The following STAG1 variants were observed in gnomAD, a reference collection of about 807,000 sequenced individuals.
STAG1 encodes cohesin subunit SA-1.
A neutral mutation model predicts 170.9 loss-of-function variants in STAG1; 26 were observed. That is an observed-to-expected ratio of 0.15 (90% CI 0.11 to 0.21). The LOEUF is 0.21. STAG1 is among the 10% of genes least tolerant of loss of function. STAG1 has a pLI of 1.00. For missense variants in STAG1, 964 were observed against 1,509.5 expected (o/e 0.64, Z 5.99); for synonymous variants, 514 against 497.7 (o/e 1.03, Z -0.44).
chr3:136,579,198 C>T (rs948868331), intron 4 of STAG1, among the ~76,000 whole-genome samples: 5 of 152,228 alleles, frequency 3.3e-5, no homozygotes, highest in African/African-American at 1.2e-4. Context: ...ACTGACCTCA[C>T]TAACTCCTTT....
intron 15 of STAG1, among the ~76,000 whole-genome samples, chr3:136,436,350 C>T (rs1295017113): frequency 1.3e-5 from 2 of 151,868 alleles, no homozygotes; most frequent in Admixed American, 6.6e-5. Context: ...GGCGTGATCT[C>T]GGCTCACTGC....
At chr3:136,399,343 C>A (rs1265772783) in intron 21 of STAG1, among the ~76,000 whole-genome samples, 2 of 152,130 alleles carry the variant, frequency 1.3e-5, no homozygotes, top group East Asian at 3.8e-4. Flanking sequence ...ATTGCCAGCA[C>A]CTCCTCCCAA....
chr3:136,387,076 TA>T (rs1188632542), intron 22 of STAG1, among the ~76,000 whole-genome samples: 2 of 152,170 alleles, frequency 1.3e-5, no homozygotes, highest in East Asian at 1.9e-4. Flanking sequence ...AATAGGCAAA[TA>T]CGTTTTTCTA....
At chr3:136,494,202 T>C (rs1932943010) in intron 9 of STAG1, among the ~76,000 whole-genome samples, 1 of 152,088 alleles carries the variant, frequency 6.6e-6, no homozygotes, top group Non-Finnish European at 1.5e-5. Context: ...GCCCAGGACA[T>C]TGAGGTTCTA....
intron 1 of STAG1, among the ~76,000 whole-genome samples, chr3:136,706,626 T>C (rs1276210204): frequency 3.3e-5 from 5 of 152,324 alleles, no homozygotes; most frequent in Non-Finnish European, 5.9e-5. Flanking sequence ...ATTGTTAAAA[T>C]GGCAATACTC....
At chr3:136,638,013 G>A (rs543765548) in intron 1 of STAG1, among the ~76,000 whole-genome samples, 94 of 152,078 alleles carry the variant, frequency 6.2e-4, no homozygotes, top group African/African-American at 2.2e-3. Context: ...GGGCCCAAGT[G>A]ATCCTGGCCT....
intron 7 of STAG1, among the ~76,000 whole-genome samples, chr3:136,512,716 TAAC>T (rs747908503): frequency 6.1e-5 from 9 of 147,370 alleles, no homozygotes; most frequent in Admixed American, 1.4e-4. Flanking sequence ...CAGTGATCAC[TAAC>T]AACAATTGAG....
At chr3:136,449,795 A>T (rs952409023) in intron 14 of STAG1, among the ~76,000 whole-genome samples, 4 of 152,144 alleles carry the variant, frequency 2.6e-5, no homozygotes, top group Non-Finnish European at 5.9e-5. Context: ...GAGATAAAAA[A>T]CATTTTCCTT....
chr3:136,621,885 T>G (rs1220108357), intron 3 of STAG1, among the ~76,000 whole-genome samples: 1 of 151,382 alleles, frequency 6.6e-6, no homozygotes, highest in South Asian at 2.1e-4. Flanking sequence ...ACCACCGAAC[T>G]AGATTTTAAA....
intron 14 of STAG1, 52 bp from the exon 15 acceptor site, chr3:136,443,456 T>A: frequency 1.6e-6 from 2 of 1,214,098 alleles, no homozygotes; most frequent in Non-Finnish European, 2.4e-6. Flanking sequence ...AAGAAACTAC[T>A]AATACTAATT....
intron 7 of STAG1, chr3:136,518,253 T>C (rs2107899393): frequency 3.4e-6 from 2 of 583,724 alleles, no homozygotes; most frequent in Middle Eastern, 2.6e-4. Flanking sequence ...CTAACCTGAT[T>C]GTCTCTCTTC....
At chr3:136,522,859 G>T (rs868659810) in intron 6 of STAG1, among the ~76,000 whole-genome samples, 1 of 151,776 alleles carries the variant, frequency 6.6e-6, no homozygotes, top group Admixed American at 6.6e-5. Context: ...GAGAATGATG[G>T]TTTCCAGCTT....
intron 21 of STAG1, among the ~76,000 whole-genome samples, chr3:136,403,700 A>G (rs1054770185): frequency 2.0e-5 from 3 of 152,194 alleles, no homozygotes; most frequent in African/African-American, 7.2e-5. Flanking sequence ...TGTCCTACTC[A>G]TTATAAATAT....
intron 1 of STAG1, among the ~76,000 whole-genome samples, chr3:136,739,520 GA>G (rs1324004295): frequency 1.0e-3 from 123 of 120,686 alleles, no homozygotes; most frequent in African/African-American, 1.8e-3. Context: ...AAAAAAAAAA[GA>G]AAAAAAAAAA....
At chr3:136,357,325 A>G (rs1936698797) in intron 28 of STAG1, among the ~76,000 whole-genome samples, 2 of 152,314 alleles carry the variant, frequency 1.3e-5, no homozygotes, top group South Asian at 2.1e-4. Flanking sequence ...ATATTTCTTT[A>G]AACTGTTATC....
chr3:136,578,790 G>T (rs1937533646), intron 4 of STAG1, among the ~76,000 whole-genome samples: 1 of 152,142 alleles, frequency 6.6e-6, no homozygotes, highest in African/African-American at 2.4e-5. Flanking sequence ...CTAAGAGTGG[G>T]ACCACCACTG....
At chr3:136,700,577 G>A (rs1027210391) in intron 1 of STAG1, among the ~76,000 whole-genome samples, 81 of 151,260 alleles carry the variant, frequency 5.4e-4, no homozygotes, top group Non-Finnish European at 3.4e-4. Flanking sequence ...CCGCTACCAC[G>A]CCCGGCCAAT....
At chr3:136,566,036 T>C (rs887801810) in intron 5 of STAG1, among the ~76,000 whole-genome samples, 3 of 152,048 alleles carry the variant, frequency 2.0e-5, no homozygotes, top group African/African-American at 4.8e-5. Flanking sequence ...AAAGAACAAA[T>C]AGTGATTACC....
chr3:136,478,262 G>A (rs891933048), intron 9 of STAG1, among the ~76,000 whole-genome samples: 2 of 152,164 alleles, frequency 1.3e-5, no homozygotes, highest in African/African-American at 4.8e-5. Context: ...CGAAGTCATG[G>A]CAGAACAACC....
Sources: allele counts gnomAD v4.1 joint callset (sites outside exome capture counted in the v4.1 genomes callset), GRCh38; gene constraint gnomAD v4.1.1; transcripts MANE v1.5; gene names NCBI Gene and HGNC (gene_info 2026-07-23, HGNC 2026-07-21).